GIGYF2: variants seen among roughly 807,000 people sequenced by gnomAD.
GIGYF2 encodes the protein GRB10-interacting GYF protein 2.
In GIGYF2, 25 loss-of-function variants were observed where a neutral mutation model predicts 208.1. The observed-to-expected ratio is 0.12, with a 90% CI of 0.09 to 0.17. The LOEUF (loss-of-function observed/expected upper bound fraction) is 0.17, where lower values mean the gene tolerates loss of function less well. Among genes scored for constraint, GIGYF2 ranks in the 10% least tolerant of loss-of-function variants. The pLI is 1.00. For synonymous variants in GIGYF2, 534 were observed against 543.8 expected (o/e 0.98, Z 0.25); for missense variants, 1,302 against 1,579.4 (o/e 0.82, Z 2.98).
At chr2:232,828,683 TTTATTAAAA>T (rs1166292953) in intron 21 of GIGYF2, 15 of 152,216 alleles carry the variant, frequency 9.9e-5, no homozygotes, top group Admixed American at 7.2e-4. Context: ...GTTATCAGAA[TTTATTAAAA>T]TTATTAGTGT....
chr2:232,704,177 G>A (rs953470950), intron 2 of GIGYF2, among the ~76,000 whole-genome samples: 1 of 152,100 alleles, frequency 6.6e-6, no homozygotes, highest in Non-Finnish European at 1.5e-5. Flanking sequence ...CTAATGGTGG[G>A]GGCAGGTCTC....
chr2:232,855,429 C>T (rs1690527547), intron 28 of GIGYF2, among the ~76,000 whole-genome samples: 1 of 152,178 alleles, frequency 6.6e-6, no homozygotes, highest in African/African-American at 2.4e-5. Context: ...TATGCTAGTA[C>T]TGCTTTTTCT....
intron 14 of GIGYF2, among the ~76,000 whole-genome samples, chr2:232,800,957 A>G (rs1195179953): frequency 6.6e-6 from 1 of 151,998 alleles, no homozygotes; most frequent in African/African-American, 2.4e-5. Flanking sequence ...GGCTCACTGC[A>G]ACCTCTGCCT....
At chr2:232,790,495 C>T (rs1700038356) in intron 9 of GIGYF2, among the ~76,000 whole-genome samples, 1 of 152,126 alleles carries the variant, frequency 6.6e-6, no homozygotes, top group Non-Finnish European at 1.5e-5. Flanking sequence ...TGGCTCAGTA[C>T]TTAAGTACTG....
At chr2:232,748,849 A>G (rs1698242678) in intron 4 of GIGYF2, 138 bp from the exon 5 acceptor site, 4 of 663,734 alleles carry the variant, frequency 6.0e-6, no homozygotes, top group East Asian at 2.8e-5. Context: ...GAAGTCAATT[A>G]TGGCTGAATA....
chr2:232,826,684 A>G (rs1166135198), intron 21 of GIGYF2, among the ~76,000 whole-genome samples: 1 of 152,230 alleles, frequency 6.6e-6, no homozygotes, highest in Non-Finnish European at 1.5e-5. Context: ...AAACAAATTT[A>G]CAAGAAAAAA....
At chr2:232,751,375 TG>T (rs780299963) in intron 5 of GIGYF2, among the ~76,000 whole-genome samples, 8 of 151,976 alleles carry the variant, frequency 5.3e-5, no homozygotes, top group Non-Finnish European at 8.8e-5. Context: ...CCAACACGCC[TG>T]GCTAATTTTT....
rs539737394 is a variant in GIGYF2, at chr2:232,786,863, G to A, written c.533-287G>A. Among the ~76,000 whole-genome samples the A allele has an allele frequency of 1.2e-4, 18 of 152,230 alleles. No homozygotes were observed. In the South Asian group the frequency reaches 3.5e-3, roughly 30 times the overall value. ...ACTTGGTGATGGTTCCTTCTGGGGA[G>A]TACGACTCTGAGGGTCTTGTGTAGG... On this transcript the variant is annotated intron_variant, in intron 8 of 28. Coordinates refer to ENST00000373563, the MANE Select transcript of GIGYF2 (RefSeq NM_001103146.3).
chr2:232,812,429 C>A lies in GIGYF2; in HGVS notation c.2045C>A (p.Ser682Tyr). The A allele has an allele frequency of 6.5e-7, 1 of 1,544,384 alleles. No homozygotes were observed. The highest frequency in any genetic ancestry group is 9.0e-7 in the Non-Finnish European group (1 of 1,116,980). The stretch of plus-strand genomic sequence containing the variant: ...AACATCATTCCCTCAGTAACTAGGT[C>A]TGTGTCCGTGCCAGATACTGGCTCT... ...DQNIIPSVTR[S>Y]VSVPDTGSIW... Residue 682 changes from serine (S) to tyrosine (Y), a missense_variant, in exon 18 of 29, where the codon TCT (serine) becomes TAT (tyrosine). Physicochemically the swap from Ser to Tyr is moderately radical, Grantham distance 144 (BLOSUM62 -2). Coordinates refer to ENST00000373563, the MANE Select transcript of GIGYF2 (RefSeq NM_001103146.3).
At chr2:232,733,041 G>A (rs1357324304) in intron 2 of GIGYF2, among the ~76,000 whole-genome samples, 1 of 152,144 alleles carries the variant, frequency 6.6e-6, no homozygotes, top group African/African-American at 2.4e-5. Flanking sequence ...CTGATCACGA[G>A]GTCAGGAGAT....
chr2:232,847,595 G>A (rs768901013), intron 27 of GIGYF2, 24 bp downstream of exon 27: 18 of 1,611,010 alleles, frequency 1.1e-5, no homozygotes, highest in Middle Eastern at 2.1e-4. Context: ...TGGTGTATGC[G>A]GTACCTCTGA....
chr2:232,841,072 GAAA>G (rs563496153), intron 23 of GIGYF2, among the ~76,000 whole-genome samples: 3,246 of 114,450 alleles, frequency 0.028, 122 homozygotes, highest in African/African-American at 0.094. Flanking sequence ...CTTTATTTAA[GAAA>G]AAAAAAAAAA....
intron 8 of GIGYF2, chr2:232,766,050 A>T: frequency 2.1e-6 from 1 of 470,792 alleles, no homozygotes; most frequent in South Asian, 1.6e-5. Flanking sequence ...CCCTTTTTCC[A>T]TTGTTACTTC....
intron 27 of GIGYF2, among the ~76,000 whole-genome samples, chr2:232,849,243 C>G (rs1324446867): frequency 6.6e-6 from 1 of 152,180 alleles, no homozygotes; most frequent in Non-Finnish European, 1.5e-5. Flanking sequence ...CAGCTCACTG[C>G]AACCTCCAAC....
At chr2:232,768,139 G>A in intron 8 of GIGYF2, 1 of 1,578,350 alleles carries the variant, frequency 6.3e-7, no homozygotes, top group Non-Finnish European at 8.7e-7. Flanking sequence ...TAAAGAAAAA[G>A]TAGCTGCATA....
intron 2 of GIGYF2, among the ~76,000 whole-genome samples, chr2:232,707,460 G>A (rs1559372506): frequency 2.6e-5 from 4 of 152,130 alleles, no homozygotes; most frequent in African/African-American, 7.2e-5. Context: ...CCATATCCAC[G>A]GGCTCTCATG....
intron 2 of GIGYF2, among the ~76,000 whole-genome samples, chr2:232,718,243 G>A (rs113926612): frequency 0.018 from 2,779 of 152,014 alleles, 95 homozygotes; most frequent in African/African-American, 0.063. Context: ...GATTACAGGC[G>A]CCCACCACCA....
At chr2:232,809,419 A>G (rs1700663152) in intron 15 of GIGYF2, among the ~76,000 whole-genome samples, 1 of 152,214 alleles carries the variant, frequency 6.6e-6, no homozygotes, top group Admixed American at 6.5e-5. Context: ...AGTTACAGTA[A>G]TAACTCTGAA....
intron 15 of GIGYF2, among the ~76,000 whole-genome samples, chr2:232,808,197 T>C (rs749966019): frequency 1.3e-5 from 2 of 152,254 alleles, no homozygotes. Flanking sequence ...CCTAGTTGTT[T>C]TAAGTCACAA....
Sources: allele counts gnomAD v4.1 joint callset (sites outside exome capture counted in the v4.1 genomes callset), GRCh38; gene constraint gnomAD v4.1.1; transcripts MANE v1.5; gene names NCBI Gene and HGNC (gene_info 2026-07-23, HGNC 2026-07-21).